Variants in RANBP17 observed in about 807,000 individuals in gnomAD.
RANBP17 encodes the protein ran-binding protein 17.
A neutral mutation model predicts 141.2 loss-of-function variants in RANBP17; 158 were observed. That is an observed-to-expected ratio of 1.12 (90% CI 0.98 to 1.28). The LOEUF (loss-of-function observed/expected upper bound fraction) is 1.28, where lower values mean the gene tolerates loss of function less well. Ranked by LOEUF, RANBP17 falls within the 50% of genes most tolerant of loss-of-function variation. The pLI is 0.00. For synonymous variants in RANBP17, 430 were observed against 450.0 expected, an observed-to-expected ratio of 0.96 and a Z score of 0.56; for missense variants, 1,438 against 1,290.7, an observed-to-expected ratio of 1.11 and a Z score of -1.75.
chr5:171,263,317 A>G (rs1766455643), intron 24 of RANBP17, among the ~76,000 whole-genome samples: 1 of 152,140 alleles, frequency 6.6e-6, no homozygotes, highest in Non-Finnish European at 1.5e-5. Flanking sequence ...CTTACTAATC[A>G]TAAACTCCCA....
intron 18 of RANBP17, among the ~76,000 whole-genome samples, chr5:171,190,290 C>T (rs566394367): frequency 6.6e-6 from 1 of 152,158 alleles, no homozygotes; most frequent in African/African-American, 2.4e-5. Flanking sequence ...GCTATGTGCC[C>T]CAGGTTGTAT....
chr5:171,056,224 A>G (rs1783361986), intron 14 of RANBP17, among the ~76,000 whole-genome samples: 1 of 152,194 alleles, frequency 6.6e-6, no homozygotes, highest in South Asian at 2.1e-4. Flanking sequence ...TCAGCTCTCC[A>G]TGAGTCCTGA....
intron 5 of RANBP17, among the ~76,000 whole-genome samples, chr5:170,898,972 C>T (rs1022108607): frequency 6.6e-6 from 1 of 152,212 alleles, no homozygotes; most frequent in South Asian, 2.1e-4. Context: ...CAGCTTTGTT[C>T]TTTTTGCTTA....
At position 171,249,916 on chromosome 5, in the gene RANBP17, C is replaced by A. The variant is rs77691358; in HGVS notation, c.2776+7096C>A. ...TCACATACAGGAAACTCAGTGATCC[C>A]TAGGAAGATACAATGCAGAAGGGTC... On this transcript the variant is annotated intron_variant, in intron 24 of 27. Transcript: ENST00000523189. Among the ~76,000 whole-genome samples, 773 of 152,230 alleles carry A rather than the reference C, an allele frequency of 5.1e-3. 3 individuals carry two copies. Among genetic ancestry groups the A allele is most frequent in the South Asian group, 9.5e-3 (46 of 4,824 alleles).
At chr5:171,010,767 T>A (rs1581389345) in intron 14 of RANBP17, among the ~76,000 whole-genome samples, 1 of 152,268 alleles carries the variant, frequency 6.6e-6, no homozygotes, top group Middle Eastern at 3.4e-3. Flanking sequence ...TTAGGGAGTC[T>A]TATGAATAAG....
intron 14 of RANBP17, among the ~76,000 whole-genome samples, chr5:170,990,990 T>C (rs1778472597): frequency 1.3e-5 from 2 of 151,944 alleles, no homozygotes; most frequent in African/African-American, 2.4e-5. Context: ...AAATACTAAT[T>C]ATGCCTTAAT....
Position 170,878,239 on chromosome 5 carries a change from G to A in RANBP17, c.161G>A (p.Gly54Glu). The change falls in exon 2 of 28, where the codon GGA becomes GAA. Residue 54 changes from glycine (G) to glutamate (E), a missense_variant. By Grantham distance (98) the Gly-to-Glu change is moderately conservative. Transcript: ENST00000523189. ...LSKCQLLLEQ[G>E]TTSYAQLLAA... ...AAGTGTCAACTTTTATTAGAACAAG[G>A]AACAGTAAGTATTTGGTAACAATGA... 6.2e-7 allele frequency: 1 copy of A among 1,605,066 alleles called. No homozygotes were observed. Among genetic ancestry groups the A allele is most frequent in the Non-Finnish European group, 8.5e-7 (1 of 1,176,182 alleles).
At chr5:171,084,008 TGTGCAG>T (rs1785441729) in intron 14 of RANBP17, among the ~76,000 whole-genome samples, 1 of 150,764 alleles carries the variant, frequency 6.6e-6, no homozygotes, top group South Asian at 2.1e-4. Context: ...ATGTGCACAT[TGTGCAG>T]GTTAGTTACA....
intron 14 of RANBP17, among the ~76,000 whole-genome samples, chr5:171,084,086 T>A (rs1220194588): frequency 6.7e-6 from 1 of 148,626 alleles, no homozygotes; most frequent in East Asian, 2.1e-4. Flanking sequence ...GCATTAGGTA[T>A]ATCTCCCAAT....
At chr5:171,261,361 C>T (rs1367611981) in intron 24 of RANBP17, among the ~76,000 whole-genome samples, 3 of 152,096 alleles carry the variant, frequency 2.0e-5, no homozygotes, top group Non-Finnish European at 4.4e-5. Flanking sequence ...TTTCCAAAAC[C>T]ACTGCCCCAC....
At chr5:171,244,599 A>G (rs908141861) in intron 24 of RANBP17, among the ~76,000 whole-genome samples, 4 of 152,048 alleles carry the variant, frequency 2.6e-5, no homozygotes, top group African/African-American at 9.7e-5. Context: ...GGCTTGCGCC[A>G]TCATACCCAG....
intron 25 of RANBP17, among the ~76,000 whole-genome samples, chr5:171,277,649 A>ATATATATATATT (rs1561823483): frequency 8.8e-5 from 11 of 125,084 alleles, no homozygotes; most frequent in African/African-American, 3.0e-4. Flanking sequence ...ATATATATAT[A>ATATATATATATT]TATATATATA....
intron 14 of RANBP17, among the ~76,000 whole-genome samples, chr5:171,119,758 G>A (rs746835083): frequency 2.6e-5 from 4 of 152,104 alleles, no homozygotes; most frequent in Admixed American, 6.5e-5. Flanking sequence ...GGTGCCACCT[G>A]GCTGGGCATG....
At chr5:171,171,078 C>A in intron 15 of RANBP17, 128 bp from the exon 16 acceptor site, 1 of 548,726 alleles carries the variant, frequency 1.8e-6, no homozygotes, top group Non-Finnish European at 3.2e-6. Context: ...TGTTTTTGAG[C>A]CTGTTTTTCA....
intron 22 of RANBP17, among the ~76,000 whole-genome samples, chr5:171,231,730 A>G (rs975629974): frequency 1.3e-5 from 2 of 152,148 alleles, no homozygotes; most frequent in Non-Finnish European, 2.9e-5. Flanking sequence ...TTTTTCGGTT[A>G]CTTGGTATGG....
Position 171,170,137 on chromosome 5 carries a change from C to G in RANBP17, c.1718C>G (p.Ala573Gly). The G allele has an allele frequency of 1.3e-6, 2 of 1,563,102 alleles. No homozygotes were observed. The highest frequency in any genetic ancestry group is 1.7e-6 in the Non-Finnish European group (2 of 1,146,230). The change falls in exon 15 of 28, where the codon GCT (alanine) becomes GGT (glycine). Residue 573 changes from alanine to glycine, a missense_variant. By Grantham distance (60) the Ala-to-Gly change is moderately conservative. Coordinates refer to ENST00000523189, the MANE Select transcript of RANBP17 (RefSeq NM_022897.5). Reference sequence around the variant, plus strand: ...TGAAATGTTTTAATGCAGGTATATGCTCGTATGTCAGAAGTCTTAGGAATA... The same window carrying G: ...TGAAATGTTTTAATGCAGGTATATGGTCGTATGTCAGAAGTCTTAGGAATA... ...DQLQRTSKVY[A>G]RMSEVLGITD...
intron 22 of RANBP17, among the ~76,000 whole-genome samples, chr5:171,225,923 A>C (rs77290735): frequency 6.6e-6 from 1 of 152,184 alleles, no homozygotes; most frequent in East Asian, 1.9e-4. Flanking sequence ...TTGCCGTTAC[A>C]GCTCAGGGTC....
At chr5:170,933,256 T>C (rs1208560049) in intron 12 of RANBP17, among the ~76,000 whole-genome samples, 1 of 152,210 alleles carries the variant, frequency 6.6e-6, no homozygotes, top group Admixed American at 6.5e-5. Context: ...TCAGTTGTGA[T>C]ATCCCCTTTA....
intron 14 of RANBP17, among the ~76,000 whole-genome samples, chr5:171,005,678 G>A (rs1277023003): frequency 6.6e-6 from 1 of 152,154 alleles, no homozygotes; most frequent in Non-Finnish European, 1.5e-5. Flanking sequence ...CAGGATATAG[G>A]CATGGGCAAG....
Sources: gnomAD v4.1 joint callset for allele counts (sites outside exome capture counted in the v4.1 genomes callset) on GRCh38, gnomAD v4.1.1 for gene constraint, MANE v1.5 for transcripts, NCBI Gene and HGNC (gene_info 2026-07-23, HGNC 2026-07-21) for gene names.